HFM1: variants seen among roughly 807,000 people sequenced by gnomAD.
The protein encoded by HFM1 is helicase for meiosis 1, also known as probable ATP-dependent DNA helicase HFM1.
In HFM1, 169 loss-of-function variants were observed where a neutral mutation model predicts 192.1. That is an observed-to-expected ratio of 0.88 (90% CI 0.78 to 1.00). The LOEUF is 1.00. HFM1 is among the 50% of genes least tolerant of loss of function. The pLI, the probability that HFM1 is intolerant of heterozygous loss-of-function variation, is 0.00. For synonymous variants in HFM1, 525 were observed against 537.8 expected, an observed-to-expected ratio of 0.98 and a Z score of 0.33; for missense variants, 1,661 against 1,668.0, an observed-to-expected ratio of 1.00 and a Z score of 0.07.
At chr1:91,283,920 G>A (rs1332206487) in intron 30 of HFM1, among the ~76,000 whole-genome samples, 2 of 151,674 alleles carry the variant, frequency 1.3e-5, no homozygotes, top group Non-Finnish European at 2.9e-5. Context: ...TATTTTTTTA[G>A]TATTACTTTC....
chr1:91,402,344 A>G (rs1664398156), intron 1 of HFM1, among the ~76,000 whole-genome samples: 1 of 152,152 alleles, frequency 6.6e-6, no homozygotes, highest in South Asian at 2.1e-4. Flanking sequence ...TCTTACTGAT[A>G]TAGAATATTG....
At chr1:91,319,056 C>A (rs767745903) in intron 25 of HFM1, 22 bp downstream of exon 25, 1 of 1,563,410 alleles carries the variant, frequency 6.4e-7, no homozygotes, top group Admixed American at 2.2e-5. Flanking sequence ...GGCCAAACTG[C>A]CTGCCTGTAT....
In HFM1 at chr1:91,313,626, T is replaced by C. The variant is rs1029013162; in HGVS notation, c.3245-131A>G. The C allele has an allele frequency of 1.4e-5, 7 of 497,480 alleles. No homozygotes were observed. In the Admixed American group the frequency reaches 1.7e-4, roughly 12 times the overall value. The allele number at this position is 497,480 out of a possible 1,614,324, so 30.8% of individuals were successfully genotyped here. A position where few individuals can be genotyped will look rare whatever the true frequency, so the allele number is the denominator to read the frequency against. On this transcript the variant is annotated intron_variant, in intron 29 of 38. Transcript: ENST00000370425. The stretch of plus-strand genomic sequence containing the variant: ...CTAAGAAGTCCAGAAAGTTAAAATA[T>C]GTTGAAAGGTTAAAAAATATGACAA...
intron 20 of HFM1, among the ~76,000 whole-genome samples, chr1:91,329,704 C>CT (rs1450641531): frequency 1.3e-5 from 2 of 152,166 alleles, no homozygotes; most frequent in African/African-American, 4.8e-5. Context: ...CACAGAGGTA[C>CT]TTTTCCTTTT....
chr1:91,394,536 C>G (rs533097052), intron 3 of HFM1, 134 bp from the exon 4 acceptor site: 14 of 598,910 alleles, frequency 2.3e-5, no homozygotes, highest in Admixed American at 9.4e-5. Flanking sequence ...ATAAGCTCAT[C>G]TGTAATACCA....
chr1:91,271,485 G>A (rs1231167861), intron 34 of HFM1, among the ~76,000 whole-genome samples: 2 of 152,092 alleles, frequency 1.3e-5, no homozygotes, highest in Non-Finnish European at 2.9e-5. Flanking sequence ...ATGACCAGAA[G>A]CTGAAGAAGG....
At chr1:91,351,435 A>G in intron 17 of HFM1, 114 bp downstream of exon 17, 1 of 590,086 alleles carries the variant, frequency 1.7e-6, no homozygotes, top group South Asian at 2.1e-5. Context: ...TGAAAACTTT[A>G]CAGAAAATTG....
chr1:91,345,784 C>T (rs970859193), intron 19 of HFM1, among the ~76,000 whole-genome samples: 16 of 152,120 alleles, frequency 1.1e-4, no homozygotes, highest in African/African-American at 3.1e-4. Context: ...GTCTCATACC[C>T]ACGGAATGGT....
chr1:91,375,279 G>T, intron 13 of HFM1, 79 bp downstream of exon 13: 1 of 966,112 alleles, frequency 1.0e-6, no homozygotes, highest in Non-Finnish European at 1.6e-6. Context: ...CAAGGTTATG[G>T]GACAAGCCTA....
intron 13 of HFM1, among the ~76,000 whole-genome samples, chr1:91,367,371 C>T (rs1371352906): frequency 6.6e-6 from 1 of 152,198 alleles, no homozygotes; most frequent in Admixed American, 6.5e-5. Context: ...GGCGGACTGA[C>T]ACCTCACACA....
intron 30 of HFM1, among the ~76,000 whole-genome samples, chr1:91,308,099 G>A (rs973116420): frequency 1.3e-5 from 2 of 151,960 alleles, no homozygotes; most frequent in African/African-American, 4.8e-5. Context: ...CCTCTGTTTG[G>A]GGTTTACCAA....
chr1:91,320,999 C>A (rs927877544), intron 23 of HFM1, among the ~76,000 whole-genome samples: 1 of 152,116 alleles, frequency 6.6e-6, no homozygotes, highest in Non-Finnish European at 1.5e-5. Context: ...AAGGGGAATC[C>A]AGAGTTGGGA....
At chr1:91,287,534 C>T (rs934085060) in intron 30 of HFM1, among the ~76,000 whole-genome samples, 1 of 152,066 alleles carries the variant, frequency 6.6e-6, no homozygotes, top group Admixed American at 6.6e-5. Context: ...TCAGCAAAGA[C>T]CAAAAGTAGA....
intron 13 of HFM1, among the ~76,000 whole-genome samples, chr1:91,366,897 T>A (rs1269326118): frequency 6.6e-6 from 1 of 152,146 alleles, no homozygotes; most frequent in Non-Finnish European, 1.5e-5. Context: ...GAAAATCGGG[T>A]CACTCCCACC....
chr1:91,342,934 C>A (rs544330670), intron 20 of HFM1, among the ~76,000 whole-genome samples: 28 of 152,252 alleles, frequency 1.8e-4, no homozygotes, highest in Admixed American at 1.6e-3. Flanking sequence ...AAGACAAATT[C>A]TGTGCACCTG....
At position 91,394,159 on chromosome 1, in the gene HFM1, G is replaced by A. The variant is rs751770130; in HGVS notation, c.428C>T (p.Pro143Leu). ...GTEIAPEKSV[P>L]DDTKLVNFAE... ...AAAATTAACTAATTTTGTATCATCA[G>A]GAACACTCTTCTCAGGTGCTATCTC... is the stretch of plus-strand genomic sequence containing the variant. Residue 143 changes from proline (P) to leucine (L), a missense_variant, in exon 4 of 39, where the codon CCT (proline) becomes CTT (leucine). By Grantham distance (98) the Pro-to-Leu change is moderately conservative. Transcript: ENST00000370425. 1.2e-6 allele frequency: 2 copies of A among 1,609,228 alleles called. No individual in the cohort carries two copies. The highest frequency in any genetic ancestry group is 1.1e-5 in the South Asian group (1 of 90,772).
At chr1:91,404,719 C>G (rs896105182) in intron 1 of HFM1, 79 bp downstream of exon 1, 2 of 415,170 alleles carry the variant, frequency 4.8e-6, no homozygotes, top group Non-Finnish European at 9.6e-6. Flanking sequence ...CCGGACGGCT[C>G]GGCTGGGTCC....
chr1:91,370,321 C>T (rs928756048), intron 13 of HFM1, among the ~76,000 whole-genome samples: 3 of 152,168 alleles, frequency 2.0e-5, no homozygotes, highest in Non-Finnish European at 4.4e-5. Context: ...CCCTGATGAA[C>T]ATCGATGCAA....
intron 19 of HFM1, 22 bp from the exon 20 acceptor site, chr1:91,343,532 A>G: frequency 1.0e-6 from 1 of 989,072 alleles, no homozygotes; most frequent in East Asian, 2.8e-5. Context: ...TAGAAAACAC[A>G]TTTTAATTTT....
Sources: allele counts gnomAD v4.1 joint callset (sites outside exome capture counted in the v4.1 genomes callset), GRCh38; gene constraint gnomAD v4.1.1; transcripts MANE v1.5; gene names NCBI Gene and HGNC (gene_info 2026-07-23, HGNC 2026-07-21).